The following COL25A1 variants were observed in gnomAD, a reference collection of about 807,000 sequenced individuals.
COL25A1 encodes the protein collagen alpha-1(XXV) chain.
COL25A1 carries 103 observed loss-of-function variants against 128.4 expected under a neutral mutation model. That is an observed-to-expected ratio of 0.80 (90% CI 0.68 to 0.94). COL25A1 has a LOEUF of 0.94. COL25A1 is among the 40% of genes least tolerant of loss of function. COL25A1 has a pLI of 0.00. For synonymous variants in COL25A1, 279 were observed against 277.2 expected (o/e 1.01, Z -0.06); for missense variants, 745 against 840.0 (o/e 0.89, Z 1.40).
At chr4:108,885,120 G>T (rs549779647) in intron 18 of COL25A1, among the ~76,000 whole-genome samples, 11 of 152,198 alleles carry the variant, frequency 7.2e-5, no homozygotes, top group African/African-American at 2.6e-4. Flanking sequence ...CTTCGTGATG[G>T]CCAGTTAGTG....
At chr4:109,212,290 A>C (rs1777628719) in intron 3 of COL25A1, among the ~76,000 whole-genome samples, 3 of 152,166 alleles carry the variant, frequency 2.0e-5, no homozygotes, top group Admixed American at 1.3e-4. Context: ...CTGGACATCT[A>C]AGATGGCTTA....
chr4:109,290,465 C>A (rs1724355302), intron 3 of COL25A1, among the ~76,000 whole-genome samples: 1 of 151,964 alleles, frequency 6.6e-6, no homozygotes, highest in Non-Finnish European at 1.5e-5. Flanking sequence ...AGGAATTTCT[C>A]AATGCTAGAG....
rs1376115947 is a variant in COL25A1 at position 108,809,843 on chromosome 4, T to C, written c.*4084A>G. 6.6e-6 allele frequency: 1 copy of C among 152,008 alleles called. No individual in the cohort carries two copies. The highest frequency in any genetic ancestry group is 6.5e-5 in the Admixed American group (1 of 15,270). 9.4% of individuals were successfully genotyped at this position (152,008 alleles called of 1,614,324 possible). ...TCAAGCTTGTTAATTCCACTAGGGA[T>C]GTATGATTTTAATAGCCAGAATCAC... On this transcript the variant is annotated 3_prime_UTR_variant, in exon 38 of 38. Transcript: ENST00000399132.
chr4:108,826,257 G>C (rs1015906470), intron 33 of COL25A1, among the ~76,000 whole-genome samples: 4 of 152,116 alleles, frequency 2.6e-5, no homozygotes, highest in African/African-American at 9.7e-5. Context: ...GAATTTTCAG[G>C]CCGGGCGCAG....
chr4:108,862,611 A>G, intron 21 of COL25A1, 66 bp from the exon 22 acceptor site: 1 of 1,334,302 alleles, frequency 7.5e-7, no homozygotes, highest in Non-Finnish European at 1.1e-6. Flanking sequence ...AGAAAAATAG[A>G]AATTAGCAGT....
intron 6 of COL25A1, among the ~76,000 whole-genome samples, chr4:109,008,343 T>G (rs10020151): frequency 6.6e-6 from 1 of 152,038 alleles, no homozygotes; most frequent in South Asian, 2.1e-4. Context: ...CTCAGCAGGA[T>G]TGAGCCCCAT....
chr4:109,016,621 T>C (rs549554614), intron 5 of COL25A1, among the ~76,000 whole-genome samples: 1 of 152,208 alleles, frequency 6.6e-6, no homozygotes, highest in Admixed American at 6.5e-5. Flanking sequence ...CACACAGACA[T>C]GGGGACTACC....
chr4:108,851,615 G>T (rs1015341556), intron 26 of COL25A1, among the ~76,000 whole-genome samples: 3 of 152,110 alleles, frequency 2.0e-5, no homozygotes, highest in African/African-American at 7.2e-5. Context: ...GATCAAACAT[G>T]GTTGAATGAC....
At chr4:108,865,960 T>C (rs1187989387) in intron 20 of COL25A1, among the ~76,000 whole-genome samples, 2 of 152,164 alleles carry the variant, frequency 1.3e-5, no homozygotes, top group Non-Finnish European at 2.9e-5. Context: ...ATGTCTCTTA[T>C]TAGTTCCCTA....
chr4:108,875,878 C>T (rs560622951), intron 19 of COL25A1, among the ~76,000 whole-genome samples: 50 of 152,072 alleles, frequency 3.3e-4, no homozygotes, highest in South Asian at 1.5e-3. Context: ...AATACTATGC[C>T]GCCATAAAAA....
intron 6 of COL25A1, among the ~76,000 whole-genome samples, chr4:108,982,250 A>G (rs1296012082): frequency 2.0e-5 from 3 of 152,300 alleles, no homozygotes; most frequent in African/African-American, 4.8e-5. Context: ...TTCCTAAACC[A>G]AAAGAAAATG....
chr4:108,928,530 T>TTATTTATGTATC (rs1401780500), intron 11 of COL25A1, among the ~76,000 whole-genome samples: 2 of 151,758 alleles, frequency 1.3e-5, no homozygotes, highest in African/African-American at 4.8e-5. Flanking sequence ...ATTTATGTAT[T>TTATTTATGTATC]TATTTATGTA....
At chr4:109,165,889 G>A (rs1773026762) in intron 3 of COL25A1, among the ~76,000 whole-genome samples, 2 of 152,112 alleles carry the variant, frequency 1.3e-5, no homozygotes, top group South Asian at 4.1e-4. Context: ...TACATAAACA[G>A]TTGTTCAATA....
chr4:109,182,794 C>A (rs1441842437), intron 3 of COL25A1, among the ~76,000 whole-genome samples: 1 of 152,040 alleles, frequency 6.6e-6, no homozygotes, highest in East Asian at 1.9e-4. Context: ...AGATATAGAG[C>A]CCTGGTGTCT....
chr4:109,194,418 G>C (rs983352297), intron 3 of COL25A1, among the ~76,000 whole-genome samples: 2 of 152,166 alleles, frequency 1.3e-5, no homozygotes, highest in Admixed American at 6.5e-5. Flanking sequence ...GAGAAGCCTA[G>C]TGTTAGATAA....
At chr4:109,021,824 G>A (rs1485265364) in intron 5 of COL25A1, 1 of 448,156 alleles carries the variant, frequency 2.2e-6, no homozygotes, top group Non-Finnish European at 4.5e-6. Context: ...CTATGCGGTT[G>A]AGATAAGGAC....
At chr4:109,247,329 G>A (rs1176776648) in intron 3 of COL25A1, among the ~76,000 whole-genome samples, 2 of 151,964 alleles carry the variant, frequency 1.3e-5, no homozygotes, top group Non-Finnish European at 2.9e-5. Flanking sequence ...CAGCCTGGGC[G>A]ACAGAGCAAG....
intron 3 of COL25A1, among the ~76,000 whole-genome samples, chr4:109,255,630 T>G (rs537614065): frequency 3.7e-4 from 55 of 149,646 alleles, no homozygotes; most frequent in African/African-American, 1.3e-3. Flanking sequence ...TGCACTAGAC[T>G]CTTTTTAAAA....
intron 3 of COL25A1, among the ~76,000 whole-genome samples, chr4:109,151,052 GTCT>G (rs780286913): frequency 1.1e-4 from 16 of 151,982 alleles, no homozygotes; most frequent in Non-Finnish European, 1.5e-4. Context: ...TTTTTAAAAG[GTCT>G]TCAACTGCGT....
Sources: allele counts gnomAD v4.1 joint callset (sites outside exome capture counted in the v4.1 genomes callset), GRCh38; gene constraint gnomAD v4.1.1; transcripts MANE v1.5; gene names NCBI Gene and HGNC (gene_info 2026-07-23, HGNC 2026-07-21).